CAST: variants seen among roughly 807,000 people sequenced by gnomAD.
The protein encoded by CAST is calpastatin.
A neutral mutation model predicts 119.6 loss-of-function variants in CAST; 76 were observed. That is an observed-to-expected ratio of 0.64 (90% CI 0.53 to 0.77). CAST has a LOEUF of 0.77. Among genes scored for constraint, CAST ranks in the 30% least tolerant of loss-of-function variants. The pLI is 0.00. For synonymous variants in CAST, 319 were observed against 331.6 expected (o/e 0.96, Z 0.41); for missense variants, 953 against 946.5 (o/e 1.01, Z -0.09).
chr5:95,972,336 A>G, the CAST span, among the ~76,000 whole-genome samples: 1 of 152,062 alleles, frequency 6.6e-6, no homozygotes, highest in African/African-American at 2.4e-5. Flanking sequence ...GCTCATAGTG[A>G]CTGTACCATT....
chr5:96,113,759 C>T, the CAST span, among the ~76,000 whole-genome samples: 76 of 152,294 alleles, frequency 5.0e-4, no homozygotes, highest in Middle Eastern at 3.4e-3. Flanking sequence ...GACCAGAGAG[C>T]TCAGGTTTTT....
the CAST span, among the ~76,000 whole-genome samples, chr5:96,312,112 G>A: frequency 6.6e-6 from 1 of 151,860 alleles, no homozygotes; most frequent in Non-Finnish European, 1.5e-5. Flanking sequence ...TGGTTACCAT[G>A]AGGCTTACAC....
At chr5:96,531,207 TTGAG>T (rs1259525704) in intron 1 of CAST, among the ~76,000 whole-genome samples, 1 of 152,156 alleles carries the variant, frequency 6.6e-6, no homozygotes, top group Non-Finnish European at 1.5e-5. Context: ...GGAAGAGTGA[TTGAG>T]TGTGACAGAG....
At chr5:96,386,730 C>T in the CAST span, among the ~76,000 whole-genome samples, 8,021 of 152,160 alleles carry the variant, frequency 0.053, 622 homozygotes, top group African/African-American at 0.17. Context: ...TTTGTGAGGC[C>T]GAGGCGAGCA....
chr5:96,318,114 T>C, the CAST span, among the ~76,000 whole-genome samples: 1 of 152,172 alleles, frequency 6.6e-6, no homozygotes, highest in Admixed American at 6.5e-5. Context: ...TCACAGCAAT[T>C]TGTAGTGAGA....
chr5:96,354,488 C>T, the CAST span, among the ~76,000 whole-genome samples: 4 of 151,914 alleles, frequency 2.6e-5, no homozygotes, highest in African/African-American at 9.7e-5. Flanking sequence ...GCAACAAATG[C>T]TGCCAGTTAA....
At chr5:96,156,067 T>A in the CAST span, among the ~76,000 whole-genome samples, 1 of 152,338 alleles carries the variant, frequency 6.6e-6, no homozygotes, top group Non-Finnish European at 1.5e-5. Flanking sequence ...GTATTTTATA[T>A]CGTATTGAAC....
the CAST span, among the ~76,000 whole-genome samples, chr5:96,080,649 A>G: frequency 6.6e-6 from 1 of 152,342 alleles, no homozygotes; most frequent in South Asian, 2.1e-4. Context: ...TTCCATTCTC[A>G]AAATGAGACC....
At chr5:96,222,209 T>A in the CAST span, among the ~76,000 whole-genome samples, 121 of 152,104 alleles carry the variant, frequency 8.0e-4, no homozygotes, top group African/African-American at 2.9e-3. Flanking sequence ...GGCAAAAATA[T>A]TATGGCTAAG....
the CAST span, among the ~76,000 whole-genome samples, chr5:96,269,136 C>G: frequency 6.6e-6 from 1 of 151,992 alleles, no homozygotes; most frequent in Non-Finnish European, 1.5e-5. Context: ...AATAAATTAG[C>G]CAGTCTCAGG....
the CAST span, among the ~76,000 whole-genome samples, chr5:96,489,552 G>A: frequency 6.8e-3 from 1,042 of 152,168 alleles, 12 homozygotes; most frequent in Non-Finnish European, 8.8e-3. Context: ...GAGGACCCAG[G>A]GACACTCAAT....
the CAST span, among the ~76,000 whole-genome samples, chr5:96,357,820 G>T: frequency 1.3e-5 from 2 of 152,126 alleles, no homozygotes; most frequent in African/African-American, 2.4e-5. Context: ...GCCAGGCTTT[G>T]GTATCAGGAT....
the CAST span, chr5:96,213,342 G>A: frequency 1.3e-5 from 2 of 152,036 alleles, no homozygotes; most frequent in Non-Finnish European, 2.9e-5. Flanking sequence ...ATTGAGTCAT[G>A]TTTTTAATAT....
At chr5:96,630,725 G>T (rs1747805135) in intron 1 of CAST, among the ~76,000 whole-genome samples, 1 of 152,132 alleles carries the variant, frequency 6.6e-6, no homozygotes, top group Non-Finnish European at 1.5e-5. Flanking sequence ...GGCGGAGGTT[G>T]CAGTGAGCCA....
the CAST span, among the ~76,000 whole-genome samples, chr5:96,139,542 GTATATGTATATATA>G: frequency 1.1e-5 from 1 of 90,852 alleles, no homozygotes; most frequent in Non-Finnish European, 2.3e-5. Context: ...ATATATATAT[GTATATGTATATATA>G]TGTGTGTGTG....
the CAST span, among the ~76,000 whole-genome samples, chr5:96,415,591 G>T: frequency 6.6e-6 from 1 of 152,040 alleles, no homozygotes. Context: ...ATAAAATTTG[G>T]CTATTTAATA....
chr5:96,170,067 C>T, the CAST span, among the ~76,000 whole-genome samples: 1 of 152,142 alleles, frequency 6.6e-6, no homozygotes, highest in African/African-American at 2.4e-5. Flanking sequence ...AGGGTATGGA[C>T]TTACCCTCCA....
At chr5:96,430,396 A>C in the CAST span, among the ~76,000 whole-genome samples, 2 of 152,228 alleles carry the variant, frequency 1.3e-5, no homozygotes, top group Non-Finnish European at 2.9e-5. Flanking sequence ...TCGCCCAGAG[A>C]ATTTTAAAAT....
the CAST span, among the ~76,000 whole-genome samples, chr5:96,174,483 G>A: frequency 1.3e-5 from 2 of 152,250 alleles, no homozygotes; most frequent in Non-Finnish European, 2.9e-5. Context: ...GGGAAGGAAA[G>A]TCCAGTCAGA....
Sources: allele counts gnomAD v4.1 joint callset (sites outside exome capture counted in the v4.1 genomes callset), GRCh38; gene constraint gnomAD v4.1.1; transcripts MANE v1.5; gene names NCBI Gene and HGNC (gene_info 2026-07-23, HGNC 2026-07-21).